The following NBPF11 variants were observed in gnomAD, a reference collection of about 807,000 sequenced individuals.
The protein encoded by NBPF11 is NBPF member 11.
Under a neutral mutation model 93.9 loss-of-function variants are expected in NBPF11, and 72 were observed. The ratio of observed to expected loss-of-function variants is 0.77; its 90% CI spans 0.63 to 0.93. NBPF11 has a LOEUF of 0.93. Among genes scored for constraint, NBPF11 ranks in the 40% least tolerant of loss-of-function variants. NBPF11 has a pLI of 0.00. For missense variants in NBPF11, 705 were observed against 802.2 expected (o/e 0.88, Z 1.46); for synonymous variants, 224 against 304.9 (o/e 0.73, Z 2.76).
rs1666348259 is a variant in NBPF11, at chr1:148,115,661, A to G, written c.1585+132T>C. 3 of 1,305,586 alleles carry G rather than the reference A, an allele frequency of 2.3e-6. No homozygotes were observed. The South Asian group carries it at 3.9e-5, about 17-fold the overall frequency. The allele number at this position is 1,305,586 out of a possible 1,614,324, so 80.9% of individuals were successfully genotyped here. ...GACATTAGCTGAGAAGGACAAAAAAACTCCCTGATATCTGTTTAGAAACCC... is the reference window on the plus strand; with the variant it reads ...GACATTAGCTGAGAAGGACAAAAAAGCTCCCTGATATCTGTTTAGAAACCC... On this transcript the variant is annotated intron_variant, in intron 14 of 23. Coordinates refer to ENST00000682118, the MANE Select transcript of NBPF11 (RefSeq NM_001385469.3).
chr1:148,147,280 G>T (rs1163139454), intron 1 of NBPF11, among the ~76,000 whole-genome samples: 1 of 152,042 alleles, frequency 6.6e-6, no homozygotes. Flanking sequence ...GGAGCCCATC[G>T]GCTGAGGCAG....
chr1:148,121,518 C>CTT (rs1290215827), intron 9 of NBPF11, among the ~76,000 whole-genome samples: 2 of 146,308 alleles, frequency 1.4e-5, no homozygotes, highest in Non-Finnish European at 3.0e-5. Context: ...CAGCTAATTT[C>CTT]TTTTTTTTTT....
At chr1:148,146,329 C>G in intron 1 of NBPF11, 1 of 1,394,866 alleles carries the variant, frequency 7.2e-7, no homozygotes, top group Non-Finnish European at 9.2e-7. Context: ...CCTCCCCTGC[C>G]GGGCCAGGCC....
intron 5 of NBPF11, among the ~76,000 whole-genome samples, chr1:148,126,309 G>C (rs1191132834): frequency 2.0e-5 from 3 of 151,810 alleles, no homozygotes; most frequent in Non-Finnish European, 2.9e-5. Flanking sequence ...CCTACTCCCT[G>C]CTCTTGATGC....
chr1:148,137,115 A>G (rs78336416), intron 3 of NBPF11, among the ~76,000 whole-genome samples: 3 of 152,056 alleles, frequency 2.0e-5, no homozygotes, highest in East Asian at 1.9e-4. Context: ...CTGTGACTAC[A>G]TTGTTATATG....
At chr1:148,120,339 CCT>C (rs1160096740) in intron 10 of NBPF11, among the ~76,000 whole-genome samples, 160 bp downstream of exon 10, 1 of 151,542 alleles carries the variant, frequency 6.6e-6, no homozygotes, top group Non-Finnish European at 1.5e-5. Context: ...TACTTTGGTA[CCT>C]CTGTCTTCCA....
chr1:148,106,221 C>G lies in NBPF11; in HGVS notation c.2263G>C (p.Asp755His), dbSNP rs1462692731. Residue 755 changes from aspartate (D) to histidine (H), a missense_variant, in exon 21 of 24, where the codon GAC becomes CAC. Asp to His is a moderately conservative substitution (Grantham distance 81, BLOSUM62 -1). Transcript: ENST00000682118. ...LALDVDRIKK[D>H]QEEEEDQGPP... ...CCTTGGTCTTCTTCCTCTTCTTGGT[C>G]CTTTTTAATTCCTGCAATACATTCA... 2.3e-6 allele frequency: 2 copies of G among 854,368 alleles called. No individual in the cohort carries two copies. The highest frequency in any genetic ancestry group is 4.1e-6 in the Non-Finnish European group (2 of 493,030). The allele number at this position is 854,368 out of a possible 1,614,324, so 52.9% of individuals were successfully genotyped here.
At chr1:148,120,186 A>T (rs1325793520) in intron 10 of NBPF11, among the ~76,000 whole-genome samples, 3 of 152,030 alleles carry the variant, frequency 2.0e-5, no homozygotes, top group Admixed American at 1.3e-4. Context: ...GCAGGATCTT[A>T]TGTGGTACAG....
At chr1:148,122,443 C>T (rs2149236960) in intron 8 of NBPF11, among the ~76,000 whole-genome samples, 177 bp from the exon 9 acceptor site, 1 of 152,210 alleles carries the variant, frequency 6.6e-6, no homozygotes, top group South Asian at 2.1e-4. Context: ...GCTTCGCTGC[C>T]ATGGGAGCCA....
At chr1:148,124,111 A>G in intron 6 of NBPF11, 44 bp from the exon 7 acceptor site, 2 of 1,609,140 alleles carry the variant, frequency 1.2e-6, no homozygotes, top group Non-Finnish European at 1.7e-6. Flanking sequence ...AAAAGCATTG[A>G]GTGATCCGTT....
chr1:148,145,201 CT>C (rs1190949525), intron 1 of NBPF11, among the ~76,000 whole-genome samples: 6,475 of 73,292 alleles, frequency 0.088, 99 homozygotes, highest in East Asian at 0.17. Flanking sequence ...TTTTTTCTTT[CT>C]TTTTTTTTTT....
At chr1:148,104,269 G>C (rs1662998647) in intron 23 of NBPF11, among the ~76,000 whole-genome samples, 1 of 145,198 alleles carries the variant, frequency 6.9e-6, no homozygotes, top group Non-Finnish European at 1.5e-5. Context: ...GAGCTCAATA[G>C]TTTTCCATAA....
chr1:148,142,038 A>AAGGAAGGCAGGGAGGGAGGG (rs1672263674), intron 2 of NBPF11, among the ~76,000 whole-genome samples: 1 of 103,110 alleles, frequency 9.7e-6, no homozygotes, highest in East Asian at 4.1e-4. Flanking sequence ...GGGAGGGAGG[A>AAGGAAGGCAGGGAGGGAGGG]AGGAAGGCAG....
chr1:148,148,456 C>T (rs1220693739), intron 1 of NBPF11, among the ~76,000 whole-genome samples: 2 of 152,152 alleles, frequency 1.3e-5, no homozygotes, highest in South Asian at 2.1e-4. Flanking sequence ...GGGTCAGGGG[C>T]CGCACACCAA....
At chr1:148,108,890 C>CACAG (rs1207831073) in intron 17 of NBPF11, among the ~76,000 whole-genome samples, 8 of 139,500 alleles carry the variant, frequency 5.7e-5, no homozygotes, top group African/African-American at 1.1e-4. Context: ...CACACACACA[C>CACAG]AGTGTGAGCT....
chr1:148,120,805 T>A, intron 9 of NBPF11, 95 bp from the exon 10 acceptor site: 1 of 944,922 alleles, frequency 1.1e-6, no homozygotes. Flanking sequence ...TAGCCTTGTT[T>A]ACTTATTTGA....
rs1339541878 is a variant in NBPF11, at chr1:148,120,478, G to A, written c.988+23C>T. ...ACAGGACTTCGTTCATCACTTTCGT[G>A]ATGGTGAGCATATAGATCTTACTGT... On this transcript the variant is annotated intron_variant, in intron 10 of 23. Transcript: ENST00000682118. 4.4e-6 allele frequency: 4 copies of A among 902,780 alleles called. No homozygotes were observed. The African/African-American group carries it at 4.9e-5, about 11-fold the overall frequency. 55.9% of individuals were successfully genotyped at this position (902,780 alleles called of 1,614,324 possible). A position where few individuals can be genotyped will look rare whatever the true frequency, so the allele number is the denominator to read the frequency against.
intron 4 of NBPF11, among the ~76,000 whole-genome samples, chr1:148,128,744 T>A (rs1669656106): frequency 6.7e-6 from 1 of 149,872 alleles, no homozygotes; most frequent in Non-Finnish European, 1.5e-5. Context: ...TTTCTAATTT[T>A]AACTTTCACA....
intron 19 of NBPF11, among the ~76,000 whole-genome samples, 192 bp from the exon 20 acceptor site, chr1:148,107,306 G>C (rs1348238866): frequency 2.0e-5 from 3 of 149,892 alleles, no homozygotes; most frequent in African/African-American, 7.4e-5. Context: ...GAGAAAGACA[G>C]GGAGAGGGAG....
Sources: allele counts gnomAD v4.1 joint callset (sites outside exome capture counted in the v4.1 genomes callset), GRCh38; gene constraint gnomAD v4.1.1; transcripts MANE v1.5; gene names NCBI Gene and HGNC (gene_info 2026-07-23, HGNC 2026-07-21).